The following TRIM9 variants were observed in gnomAD, a reference collection of about 807,000 sequenced individuals.
The protein encoded by TRIM9 is E3 ubiquitin-protein ligase TRIM9.
In TRIM9, 26 loss-of-function variants were observed where a neutral mutation model predicts 78.3. The observed-to-expected ratio is 0.33, with a 90% confidence interval of 0.24 to 0.46. The LOEUF (loss-of-function observed/expected upper bound fraction) is 0.46. Among genes scored for constraint, TRIM9 ranks in the 20% least tolerant of loss-of-function variants. The pLI, the probability that TRIM9 is intolerant of heterozygous loss-of-function variation, is 1.00. For missense variants in TRIM9, 787 were observed against 1,036.4 expected (o/e 0.76, Z 3.30); for synonymous variants, 398 against 416.5 (o/e 0.96, Z 0.54).
Position 50,977,029 on chromosome 14 carries a change from A to C in TRIM9, c.*262T>G. 3.0e-6 allele frequency: 1 copy of C among 337,656 alleles called. No individual in the cohort carries two copies. The highest frequency in any genetic ancestry group is 5.3e-6 in the Non-Finnish European group (1 of 187,356). 20.9% of individuals were successfully genotyped at this position (337,656 alleles called of 1,614,324 possible). Reference sequence around the variant, plus strand: ...ATAAAAGCAAAATCTGGGAGTGGGAACCAAGTGACTTGGTGGGCTGTCTAG... The same window carrying C: ...ATAAAAGCAAAATCTGGGAGTGGGACCCAAGTGACTTGGTGGGCTGTCTAG... On this transcript the variant is annotated 3_prime_UTR_variant, in exon 13 of 13. Transcript: ENST00000684578.
chr14:51,074,699 C>G (rs1027709165), intron 1 of TRIM9, among the ~76,000 whole-genome samples: 3 of 152,168 alleles, frequency 2.0e-5, no homozygotes, highest in Non-Finnish European at 4.4e-5. Context: ...TACAGATCCA[C>G]CAGTGGGCTG....
At chr14:51,059,480 A>AAAAACAAAAC (rs369741709) in intron 1 of TRIM9, among the ~76,000 whole-genome samples, 29 of 151,948 alleles carry the variant, frequency 1.9e-4, no homozygotes, top group Admixed American at 5.9e-4. Flanking sequence ...AAGAGAATGA[A>AAAAACAAAAC]AAAACAAAAC....
intron 7 of TRIM9, among the ~76,000 whole-genome samples, chr14:50,986,924 C>T (rs2052790805): frequency 6.6e-6 from 1 of 152,180 alleles, no homozygotes; most frequent in Non-Finnish European, 1.5e-5. Flanking sequence ...TTATATCAGA[C>T]TAAAGACTTA....
At chr14:51,075,889 A>G (rs2062734882) in intron 1 of TRIM9, among the ~76,000 whole-genome samples, 1 of 152,244 alleles carries the variant, frequency 6.6e-6, no homozygotes, top group South Asian at 2.1e-4. Context: ...GCCAGAGAAC[A>G]TACAACCTAA....
chr14:51,042,154 G>A (rs544498557), intron 1 of TRIM9, among the ~76,000 whole-genome samples: 1 of 152,334 alleles, frequency 6.6e-6, no homozygotes, highest in African/African-American at 2.4e-5. Context: ...CCAGCATGAT[G>A]ATGCATTATG....
rs147134726 is a variant in TRIM9, at chr14:51,023,944, T to A, written c.919-987A>T. ...ATTACCAAAGTCATAAAGAACTGTGTCTTTTTATATAATAATCAACTGGTA... is the reference window on the plus strand; with the variant it reads ...ATTACCAAAGTCATAAAGAACTGTGACTTTTTATATAATAATCAACTGGTA... On this transcript the variant is annotated intron_variant, in intron 2 of 12. Transcript: ENST00000684578. 5.9e-3 allele frequency among the ~76,000 whole-genome samples: 904 copies of A among 152,344 alleles called. 7 individuals carry two copies. The highest frequency in any genetic ancestry group is 0.02 in the African/African-American group (849 of 41,562).
At chr14:51,087,538 G>A (rs1290588497) in intron 1 of TRIM9, among the ~76,000 whole-genome samples, 1 of 152,164 alleles carries the variant, frequency 6.6e-6, no homozygotes, top group Non-Finnish European at 1.5e-5. Flanking sequence ...AATGATCTTG[G>A]CTTTGAGATG....
intron 1 of TRIM9, among the ~76,000 whole-genome samples, chr14:51,093,782 G>A (rs536492883): frequency 6.6e-6 from 1 of 152,332 alleles, no homozygotes; most frequent in African/African-American, 2.4e-5. Context: ...GCTCTACCCA[G>A]CTATGCAGTG....
intron 7 of TRIM9, 99 bp downstream of exon 7, chr14:50,997,951 T>G: frequency 1.3e-6 from 2 of 1,561,030 alleles, no homozygotes; most frequent in Non-Finnish European, 1.7e-6. Context: ...ATGGAAACAC[T>G]TCAGGAATGT....
intron 1 of TRIM9, among the ~76,000 whole-genome samples, chr14:51,050,418 A>G (rs182472700): frequency 1.2e-3 from 186 of 152,258 alleles, no homozygotes; most frequent in Non-Finnish European, 1.7e-3. Flanking sequence ...CATGTAAGAC[A>G]TGCCTTTCGC....
intron 1 of TRIM9, 59 bp from the exon 2 acceptor site, chr14:51,025,419 A>ACACAGGTGTTTTCT: frequency 6.9e-7 from 1 of 1,441,836 alleles, no homozygotes; most frequent in Non-Finnish European, 9.7e-7. Flanking sequence ...CAACAAGGCC[A>ACACAGGTGTTTTCT]GCGAGACTCA....
At position 51,022,816 on chromosome 14, in the gene TRIM9, C is replaced by T; in HGVS notation, c.1041+19G>A. ...CCTGGCTTGTTGGCTTTCTGCTCTT[C>T]CCATGATGCAGCACTCACCTTCAGC... On this transcript the variant is annotated intron_variant, in intron 3 of 12. Coordinates refer to ENST00000684578, the MANE Select transcript of TRIM9 (RefSeq NM_001387360.1). The T allele has an allele frequency of 1.2e-6, 2 of 1,613,704 alleles. No individual in the cohort carries two copies. Among genetic ancestry groups the T allele is most frequent in the Non-Finnish European group, 1.7e-6 (2 of 1,179,850 alleles).
chr14:50,978,602 C>T (rs901235961), intron 12 of TRIM9, among the ~76,000 whole-genome samples: 2 of 152,194 alleles, frequency 1.3e-5, no homozygotes, highest in African/African-American at 4.8e-5. Flanking sequence ...TGTGGCTGCC[C>T]TTCCCAACCA....
Position 51,023,971 on chromosome 14 carries a change from G to A in TRIM9, c.919-1014C>T, listed in dbSNP as rs186321338. On this transcript the variant is annotated intron_variant, in intron 2 of 12. Coordinates refer to ENST00000684578, the MANE Select transcript of TRIM9 (RefSeq NM_001387360.1). ...TTTTTATATAATAATCAACTGGTAG[G>A]CATTTAGTAATTGTTTTCAAATGCA... Among the ~76,000 whole-genome samples the A allele has an allele frequency of 1.4e-4, 21 of 152,278 alleles. No individual in the cohort carries two copies. The East Asian group carries it at 3.7e-3, about 27-fold the overall frequency.
At chr14:51,070,443 GACTTAATAGA>G (rs2062116628) in intron 1 of TRIM9, among the ~76,000 whole-genome samples, 1 of 151,802 alleles carries the variant, frequency 6.6e-6, no homozygotes, top group Non-Finnish European at 1.5e-5. Flanking sequence ...TGTACTTGGT[GACTTAATAGA>G]ACATAACTAC....
At chr14:50,977,971 C>T (rs921655904) in intron 12 of TRIM9, among the ~76,000 whole-genome samples, 1 of 151,726 alleles carries the variant, frequency 6.6e-6, no homozygotes, top group Admixed American at 6.6e-5. Flanking sequence ...CCTGAAAACC[C>T]CTGAAGAGCA....
chr14:51,013,767 A>AT (rs1342428877), intron 3 of TRIM9, among the ~76,000 whole-genome samples: 1 of 152,112 alleles, frequency 6.6e-6, no homozygotes, highest in East Asian at 1.9e-4. Context: ...AAATTATTTT[A>AT]TTTTTTATTC....
intron 11 of TRIM9, among the ~76,000 whole-genome samples, chr14:50,980,251 T>C (rs887674298): frequency 3.9e-5 from 6 of 152,178 alleles, no homozygotes; most frequent in African/African-American, 1.4e-4. Context: ...CTCTGAGATG[T>C]AGTGATTTTA....
Position 50,977,366 on chromosome 14 carries a change from A to T in TRIM9, c.2326-13T>A. On this transcript the variant is annotated splice_polypyrimidine_tract_variant and intron_variant, in intron 12 of 12. Transcript: ENST00000684578. ...TGTGCAGCGTGACCTGGGGAATGAG[A>T]CTGTGAGTCCTGAGAGGCATCGTGC... 1 of 1,525,254 alleles carries T rather than the reference A, an allele frequency of 6.6e-7. No individual in the cohort carries two copies. The highest frequency in any genetic ancestry group is 8.8e-7 in the Non-Finnish European group (1 of 1,132,124). The allele number at this position is 1,525,254 out of a possible 1,614,324, so 94.5% of individuals were successfully genotyped here.
Sources: gnomAD v4.1 joint callset for allele counts (sites outside exome capture counted in the v4.1 genomes callset) on GRCh38, gnomAD v4.1.1 for gene constraint, MANE v1.5 for transcripts, NCBI Gene and HGNC (gene_info 2026-07-23, HGNC 2026-07-21) for gene names.